ATCAY: variants seen among roughly 807,000 people sequenced by gnomAD.
ATCAY encodes ATCAY kinesin light chain interacting caytaxin, also known as caytaxin.
ATCAY carries 22 observed loss-of-function variants against 47.7 expected under a neutral mutation model. The ratio of observed to expected loss-of-function variants is 0.46; its 90% CI spans 0.33 to 0.66. The LOEUF (loss-of-function observed/expected upper bound fraction) is 0.66, where lower values mean the gene tolerates loss of function less well. Among genes scored for constraint, ATCAY ranks in the 30% least tolerant of loss-of-function variants. The pLI, the probability that ATCAY is intolerant of heterozygous loss-of-function variation, is 0.02. For synonymous variants in ATCAY, 216 were observed against 207.6 expected (o/e 1.04, Z -0.35); for missense variants, 452 against 515.0 (o/e 0.88, Z 1.18).
At chr19:3,893,833 ACTGCCTCTCC>A (rs2038741176) in intron 2 of ATCAY, among the ~76,000 whole-genome samples, 1 of 151,994 alleles carries the variant, frequency 6.6e-6, no homozygotes, top group African/African-American at 2.4e-5. Flanking sequence ...TCCCCGAGGC[ACTGCCTCTCC>A]CTGGCCCTCC....
Position 3,902,538 on chromosome 19 carries a change from C to T in ATCAY, c.129C>T (p.Asp43=). 1 of 1,571,862 alleles carries T rather than the reference C, an allele frequency of 6.4e-7. No individual in the cohort carries two copies. The highest frequency in any genetic ancestry group is 8.6e-7 in the Non-Finnish European group (1 of 1,158,288). ...GVELLGSPVE[D]TSSPPNTLNF... is the part of the protein sequence containing the mutation. ...AACTGCTTGGCAGCCCGGTGGAAGA[C>T]ACATCCTGTAAGTTTCCACGTCCAC... Residue 43 remains aspartate (D), a synonymous_variant, in exon 3 of 13, where the codon GAC becomes GAT. Transcript: ENST00000450849.
intron 2 of ATCAY, among the ~76,000 whole-genome samples, chr19:3,892,147 C>A (rs2038723861): frequency 6.6e-6 from 1 of 152,126 alleles, no homozygotes. Flanking sequence ...GCCTCAGCTT[C>A]CCAAAGTGCT....
At chr19:3,920,980 G>A (rs1044147976) in intron 12 of ATCAY, 182 bp downstream of exon 12, 17 of 706,396 alleles carry the variant, frequency 2.4e-5, no homozygotes, top group South Asian at 3.0e-5. Flanking sequence ...ATACGGCACC[G>A]GGAAGGCAGG....
intron 2 of ATCAY, among the ~76,000 whole-genome samples, chr19:3,886,602 A>T (rs1360646441): frequency 1.3e-5 from 2 of 150,022 alleles, no homozygotes; most frequent in Non-Finnish European, 3.0e-5. Context: ...AGAAAAAAAA[A>T]AAAATTAGCT....
At chr19:3,886,314 C>T (rs2038654231) in intron 2 of ATCAY, among the ~76,000 whole-genome samples, 2 of 151,240 alleles carry the variant, frequency 1.3e-5, no homozygotes, top group East Asian at 2.0e-4. Context: ...CTGGGCATGC[C>T]GGGCGCAGTG....
chr19:3,919,490 G>C (rs2145265031), intron 11 of ATCAY, among the ~76,000 whole-genome samples: 1 of 152,082 alleles, frequency 6.6e-6, no homozygotes. Context: ...TACTTGGAAG[G>C]CTGAGGCAGG....
intron 12 of ATCAY, chr19:3,922,071 G>GCTTCTCTAGT: frequency 1.5e-6 from 1 of 683,048 alleles, no homozygotes; most frequent in South Asian, 1.6e-5. Flanking sequence ...CTGCCAACTA[G>GCTTCTCTAGT]AGAAGCTGAC....
chr19:3,893,886 C>T (rs1215662089), intron 2 of ATCAY, among the ~76,000 whole-genome samples: 1 of 152,144 alleles, frequency 6.6e-6, no homozygotes, highest in Admixed American at 6.6e-5. Flanking sequence ...CCACTCCCTC[C>T]TCCCCCACTG....
chr19:3,887,988 G>A (rs376373036), intron 2 of ATCAY, among the ~76,000 whole-genome samples: 9 of 151,672 alleles, frequency 5.9e-5, no homozygotes, highest in African/African-American at 9.7e-5. Context: ...GGTGGTGCAC[G>A]CCTGTAATCC....
Position 3,913,624 on chromosome 19 carries a change from T to C in ATCAY, c.867-134T>C, listed in dbSNP as rs924177275. ...AGGCTGTCATCGGGCGGGAGGGAGGTGTCGTCGTCTGCACTGGGGCATCCT... is the reference window on the plus strand; with the variant it reads ...AGGCTGTCATCGGGCGGGAGGGAGGCGTCGTCGTCTGCACTGGGGCATCCT... On this transcript the variant is annotated intron_variant, in intron 8 of 12. Coordinates refer to ENST00000450849, the MANE Select transcript of ATCAY (RefSeq NM_033064.5). The C allele has an allele frequency of 2.0e-5, 13 of 636,698 alleles. No homozygotes were observed. The Admixed American group carries it at 2.7e-4, about 13-fold the overall frequency. The allele number at this position is 636,698 out of a possible 1,614,324, so 39.4% of individuals were successfully genotyped here.
chr19:3,901,801 C>T (rs28473666), intron 2 of ATCAY, among the ~76,000 whole-genome samples: 3,142 of 152,136 alleles, frequency 0.021, 108 homozygotes, highest in African/African-American at 0.072. Context: ...TCCAGACCAG[C>T]CTGGCCAATA....
chr19:3,920,011 G>A (rs1312713003), intron 11 of ATCAY, among the ~76,000 whole-genome samples: 1 of 152,182 alleles, frequency 6.6e-6, no homozygotes, highest in South Asian at 2.1e-4. Flanking sequence ...ATACAGCAGT[G>A]TCGGTCCTCA....
chr19:3,920,803 G>A lies in ATCAY; in HGVS notation c.1106+5G>A, dbSNP rs958399909. On this transcript the variant is annotated splice_donor_5th_base_variant and intron_variant, in intron 12 of 12. Coordinates refer to ENST00000450849, the MANE Select transcript of ATCAY (RefSeq NM_033064.5). ...CTCAGAAGATCAGGAAACAAGGTGGGTGTGATGCAGAGTGGTCTTCGTGCT... is the reference window on the plus strand; with the variant it reads ...CTCAGAAGATCAGGAAACAAGGTGGATGTGATGCAGAGTGGTCTTCGTGCT... The A allele has an allele frequency of 4.3e-6, 7 of 1,613,606 alleles. No individual in the cohort carries two copies. Among genetic ancestry groups the A allele is most frequent in the African/African-American group, 1.3e-5 (1 of 74,934 alleles).
rs2038863771 is a variant in ATCAY at position 3,906,645 on chromosome 19, A to G, written c.358+990A>G. Reference sequence around the variant, plus strand: ...GCATATTTTTCTTGTGGGCTTGTGAATTTTTCTGCAGAACGTGGCTTTCAT... The same window carrying G: ...GCATATTTTTCTTGTGGGCTTGTGAGTTTTTCTGCAGAACGTGGCTTTCAT... On this transcript the variant is annotated intron_variant, in intron 4 of 12. Transcript: ENST00000450849. Among the ~76,000 whole-genome samples the G allele has an allele frequency of 2.0e-5, 3 of 151,936 alleles. No individual in the cohort carries two copies. The South Asian group carries it at 6.2e-4, about 32-fold the overall frequency.
chr19:3,892,002 G>A (rs1200480561), intron 2 of ATCAY, among the ~76,000 whole-genome samples: 1 of 152,036 alleles, frequency 6.6e-6, no homozygotes, highest in African/African-American at 2.4e-5. Context: ...CAATTCTCCT[G>A]CCTCAGCCTC....
intron 1 of ATCAY, among the ~76,000 whole-genome samples, chr19:3,884,994 G>C (rs2038635220): frequency 6.6e-6 from 1 of 151,422 alleles, no homozygotes; most frequent in Non-Finnish European, 1.5e-5. Context: ...ACAGCTACTG[G>C]TGGGGGGCTG....
chr19:3,886,807 G>A (rs1364623396), intron 2 of ATCAY, among the ~76,000 whole-genome samples: 1 of 148,974 alleles, frequency 6.7e-6, no homozygotes, highest in Non-Finnish European at 1.5e-5. Context: ...TCCAGGTCCT[G>A]GGTTCCAGTG....
At chr19:3,887,211 C>G (rs1413908146) in intron 2 of ATCAY, among the ~76,000 whole-genome samples, 1 of 151,900 alleles carries the variant, frequency 6.6e-6, no homozygotes, top group Admixed American at 6.6e-5. Flanking sequence ...GATCCCAGCA[C>G]TTACAGAGGC....
Position 3,924,776 on chromosome 19 carries a change from T to A in ATCAY, c.*184T>A. On this transcript the variant is annotated 3_prime_UTR_variant, in exon 13 of 13. Transcript: ENST00000450849. ...TTCAGCTGCTTGAAAACATTGTATT[T>A]TTTTTTTTTAACGATGCAGTATTTG... The A allele has an allele frequency of 1.7e-6, 1 of 602,016 alleles. No individual in the cohort carries two copies. Among genetic ancestry groups the A allele is most frequent in the Non-Finnish European group, 2.8e-6 (1 of 351,500 alleles). 37.3% of individuals were successfully genotyped at this position (602,016 alleles called of 1,614,324 possible).
Sources: allele counts gnomAD v4.1 joint callset (sites outside exome capture counted in the v4.1 genomes callset), GRCh38; gene constraint gnomAD v4.1.1; transcripts MANE v1.5; gene names NCBI Gene and HGNC (gene_info 2026-07-23, HGNC 2026-07-21).